Variants in KDM5B observed in about 807,000 individuals in gnomAD.
KDM5B encodes lysine demethylase 5B.
Under a neutral mutation model 193.4 loss-of-function variants are expected in KDM5B, and 144 were observed. The ratio of observed to expected loss-of-function variants is 0.74; its 90% confidence interval spans 0.65 to 0.86. The LOEUF (loss-of-function observed/expected upper bound fraction) is 0.86. Ranked by LOEUF, KDM5B falls within the 40% of genes least tolerant of loss-of-function variation. The pLI, the probability that KDM5B is intolerant of heterozygous loss-of-function variation, is 0.00. For synonymous variants in KDM5B, 668 were observed against 682.6 expected (o/e 0.98, Z 0.33); for missense variants, 1,833 against 1,886.9 (o/e 0.97, Z 0.53).
intron 1 of KDM5B, among the ~76,000 whole-genome samples, chr1:202,801,622 A>ATTT (rs1658077390): frequency 2.0e-5 from 1 of 51,054 alleles, no homozygotes; most frequent in Non-Finnish European, 5.8e-5. Context: ...TTTTTCATTT[A>ATTT]ATTTTTATTT....
rs755172165 is a variant in KDM5B at position 202,742,501 on chromosome 1, G to A, written c.2479C>T (p.Arg827Ter). ...TTTTGGGATTTCCCTCCACCAGATCGATATCTGTAAAGACAAAGGCCCAAG... is the reference window on the plus strand; with the variant it reads ...TTTTGGGATTTCCCTCCACCAGATCAATATCTGTAAAGACAAAGGCCCAAG... ...LLNGKRQTRYRSGGGKSQNQL... is the reference protein window; with the variant it reads ...LLNGKRQTRY Residue 827 changes from arginine (R) to a stop codon, truncating the protein, a stop_gained, in exon 18 of 27, where the codon CGA becomes TGA. Coordinates refer to ENST00000367265, the MANE Select transcript of KDM5B (RefSeq NM_006618.5). LOFTEE classifies it high-confidence loss of function. The A allele has an allele frequency of 3.7e-6, 6 of 1,613,280 alleles. No homozygotes were observed. Among genetic ancestry groups the A allele is most frequent in the Non-Finnish European group, 4.2e-6 (5 of 1,179,654 alleles).
chr1:202,749,777 ACTGGTATG>A, intron 13 of KDM5B, among the ~76,000 whole-genome samples: 1 of 152,276 alleles, frequency 6.6e-6, no homozygotes, highest in Middle Eastern at 3.4e-3. Context: ...ATTGTGCTGA[ACTGGTATG>A]ATCAACCTAC....
chr1:202,775,213 G>T (rs1656889448), intron 2 of KDM5B, among the ~76,000 whole-genome samples: 2 of 151,072 alleles, frequency 1.3e-5, no homozygotes, highest in Non-Finnish European at 2.9e-5. Context: ...CTCCAGCCTG[G>T]ATGAGACAGT....
intron 16 of KDM5B, 27 bp from the exon 17 acceptor site, chr1:202,742,832 T>G (rs1460086977): frequency 6.2e-7 from 1 of 1,603,120 alleles, no homozygotes; most frequent in African/African-American, 1.3e-5. Flanking sequence ...AAGTCATATT[T>G]TCTGTAATCA....
chr1:202,770,280 CAG>C (rs1656658032), intron 4 of KDM5B, among the ~76,000 whole-genome samples: 1 of 152,150 alleles, frequency 6.6e-6, no homozygotes, highest in East Asian at 1.9e-4. Flanking sequence ...ATCCCAAAGA[CAG>C]AGCAATCCCT....
chr1:202,805,460 G>T (rs565935043), intron 1 of KDM5B, among the ~76,000 whole-genome samples: 2 of 152,178 alleles, frequency 1.3e-5, no homozygotes, highest in Admixed American at 1.3e-4. Context: ...AAGTACCATT[G>T]GTAAAGATAC....
At chr1:202,740,408 C>CT (rs1345960712) in intron 20 of KDM5B, among the ~76,000 whole-genome samples, 1 of 118,694 alleles carries the variant, frequency 8.4e-6, no homozygotes, top group African/African-American at 2.9e-5. Flanking sequence ...GGGTGGGGGT[C>CT]TGACCCCCCC....
At chr1:202,755,218 G>C in intron 11 of KDM5B, 53 bp downstream of exon 11, 1 of 1,435,730 alleles carries the variant, frequency 7.0e-7, no homozygotes, top group Non-Finnish European at 9.7e-7. Flanking sequence ...GAAAAGGAAA[G>C]TTTTCCTATC....
chr1:202,779,804 A>AAAATAAATAAAT (rs145024625), intron 1 of KDM5B, among the ~76,000 whole-genome samples: 3,761 of 141,282 alleles, frequency 0.027, 63 homozygotes, highest in South Asian at 0.035. Context: ...CTCCGTCTCA[A>AAAATAAATAAAT]AAATAAATAA....
rs1377510665 is a variant in KDM5B, at chr1:202,741,300, GTGC to G, written c.2945+64_2945+66del. On this transcript the variant is annotated intron_variant, in intron 19 of 26. Transcript: ENST00000367265. ...GAGCACTTGCCATAGACCAATCATT[GTGC>G]TCTGTGTTTAAGCTGGAGATAACTG... 2.6e-6 allele frequency: 3 copies of G among 1,147,342 alleles called. No homozygotes were observed. The African/African-American group carries it at 4.6e-5, about 18-fold the overall frequency. The allele number at this position is 1,147,342 out of a possible 1,614,324, so 71.1% of individuals were successfully genotyped here. A position where few individuals can be genotyped will look rare whatever the true frequency, so the allele number is the denominator to read the frequency against.
chr1:202,746,431 C>A, intron 14 of KDM5B, 108 bp from the exon 15 acceptor site: 2 of 654,356 alleles, frequency 3.1e-6, no homozygotes, highest in South Asian at 3.3e-5. Flanking sequence ...AAAGCTTTAC[C>A]AAAATAGGGA....
intron 25 of KDM5B, among the ~76,000 whole-genome samples, chr1:202,730,291 TAACC>T (rs1654833965): frequency 1.3e-5 from 2 of 152,154 alleles, no homozygotes; most frequent in African/African-American, 2.4e-5. Context: ...CCCTTCCAAT[TAACC>T]AACCAATACC....
intron 1 of KDM5B, among the ~76,000 whole-genome samples, chr1:202,803,884 G>A (rs1658179905): frequency 6.9e-6 from 1 of 145,950 alleles, no homozygotes; most frequent in Admixed American, 7.2e-5. Context: ...CCTCCTACCA[G>A]GTTTTTCTCC....
chr1:202,735,672 A>G, intron 21 of KDM5B, 85 bp from the exon 22 acceptor site: 1 of 1,258,836 alleles, frequency 7.9e-7, no homozygotes, highest in Non-Finnish European at 1.1e-6. Flanking sequence ...AAGCCTAAGC[A>G]GTAAAAAGGA....
chr1:202,802,740 A>G (rs891232020), intron 1 of KDM5B, among the ~76,000 whole-genome samples: 1 of 152,138 alleles, frequency 6.6e-6, no homozygotes, highest in Non-Finnish European at 1.5e-5. Flanking sequence ...GCAGATTTCT[A>G]CCCACTTATA....
At chr1:202,730,610 C>T (rs1434547905) in intron 25 of KDM5B, among the ~76,000 whole-genome samples, 1 of 152,094 alleles carries the variant, frequency 6.6e-6, no homozygotes, top group African/African-American at 2.4e-5. Flanking sequence ...GAAGTTCTTC[C>T]CTAATTTGGC....
intron 1 of KDM5B, among the ~76,000 whole-genome samples, chr1:202,783,611 C>T (rs1476163264): frequency 6.6e-6 from 1 of 152,246 alleles, no homozygotes; most frequent in Non-Finnish European, 1.5e-5. Context: ...GGTGCAGTGG[C>T]TCACGCCTGT....
At chr1:202,788,497 C>T (rs565080000) in intron 1 of KDM5B, among the ~76,000 whole-genome samples, 5 of 152,216 alleles carry the variant, frequency 3.3e-5, no homozygotes, top group African/African-American at 7.2e-5. Flanking sequence ...TTTAAGCATT[C>T]GTCACATTAA....
intron 21 of KDM5B, 100 bp from the exon 22 acceptor site, chr1:202,735,687 C>A: frequency 1.8e-6 from 2 of 1,100,808 alleles, no homozygotes; most frequent in Non-Finnish European, 2.7e-6. Flanking sequence ...AAAGGATGTG[C>A]ATTTCTTAGT....
Sources: allele counts gnomAD v4.1 joint callset (sites outside exome capture counted in the v4.1 genomes callset), GRCh38; gene constraint gnomAD v4.1.1; transcripts MANE v1.5; gene names NCBI Gene and HGNC (gene_info 2026-07-23, HGNC 2026-07-21).